LRFN5: variants seen among roughly 807,000 people sequenced by gnomAD.
The protein encoded by LRFN5 is leucine-rich repeat and fibronectin type-III domain-containing protein 5.
LRFN5 carries 24 observed loss-of-function variants against 45.6 expected under a neutral mutation model. The ratio of observed to expected loss-of-function variants is 0.53; its 90% confidence interval spans 0.38 to 0.74. LRFN5 has a LOEUF of 0.74. Ranked by LOEUF, LRFN5 falls within the 30% of genes least tolerant of loss-of-function variation. The pLI is 0.00. For missense variants in LRFN5, 776 were observed against 861.5 expected, an observed-to-expected ratio of 0.90 and a Z score of 1.24; for synonymous variants, 340 against 313.8, an observed-to-expected ratio of 1.08 and a Z score of -0.88.
chr14:41,787,774 T>G (rs983451653), intron 2 of LRFN5, among the ~76,000 whole-genome samples: 1 of 152,066 alleles, frequency 6.6e-6, no homozygotes, highest in Non-Finnish European at 1.5e-5. Flanking sequence ...TATATTTTAT[T>G]TTTTATTTTT....
intron 2 of LRFN5, among the ~76,000 whole-genome samples, chr14:41,815,999 T>A (rs1383749173): frequency 6.6e-6 from 1 of 152,050 alleles, no homozygotes; most frequent in African/African-American, 2.4e-5. Context: ...TTCTCTAGAG[T>A]GTGCGATATA....
chr14:41,765,209 G>T (rs1277566196), intron 1 of LRFN5, among the ~76,000 whole-genome samples: 1 of 151,940 alleles, frequency 6.6e-6, no homozygotes, highest in African/African-American at 2.4e-5. Context: ...GGGCGTAGTG[G>T]CGGGCGCCTG....
intron 1 of LRFN5, among the ~76,000 whole-genome samples, chr14:41,746,325 A>G (rs1208834278): frequency 6.6e-6 from 1 of 151,802 alleles, no homozygotes; most frequent in Non-Finnish European, 1.5e-5. Context: ...CAAAACACTC[A>G]AAGAATAGAA....
At chr14:41,783,892 CT>C (rs1422211195) in intron 2 of LRFN5, among the ~76,000 whole-genome samples, 1 of 151,932 alleles carries the variant, frequency 6.6e-6, no homozygotes, top group African/African-American at 2.4e-5. Flanking sequence ...ATTTATTAGT[CT>C]TTTTCTAATT....
At chr14:41,709,192 A>G (rs1237129460) in intron 1 of LRFN5, among the ~76,000 whole-genome samples, 4 of 151,926 alleles carry the variant, frequency 2.6e-5, no homozygotes, top group African/African-American at 4.8e-5. Context: ...AACATAATAT[A>G]TATTTTATTT....
intron 2 of LRFN5, among the ~76,000 whole-genome samples, chr14:41,826,792 A>G (rs1052441456): frequency 1.3e-5 from 2 of 151,928 alleles, no homozygotes; most frequent in Non-Finnish European, 2.9e-5. Context: ...ATCTTCATCT[A>G]TAATATGGGA....
chr14:41,764,124 G>T (rs1372043568), intron 1 of LRFN5, among the ~76,000 whole-genome samples: 2 of 151,922 alleles, frequency 1.3e-5, no homozygotes, highest in East Asian at 1.9e-4. Flanking sequence ...AAAATATATG[G>T]ACTAAAAAAA....
At chr14:41,830,778 T>C (rs915679187) in intron 2 of LRFN5, among the ~76,000 whole-genome samples, 7 of 152,074 alleles carry the variant, frequency 4.6e-5, no homozygotes, top group African/African-American at 1.7e-4. Context: ...CTGCTCTGTC[T>C]CCTGGTGGGC....
chr14:41,872,650 A>G lies in LRFN5; in HGVS notation c.-20-13956A>G, dbSNP rs77494285. Among the ~76,000 whole-genome samples the G allele has an allele frequency of 2.4e-4, 37 of 152,328 alleles. No individual in the cohort carries two copies. In the East Asian group the frequency reaches 7.1e-3, roughly 29 times the overall value. On this transcript the variant is annotated intron_variant, in intron 2 of 5. Coordinates refer to ENST00000298119, the MANE Select transcript of LRFN5 (RefSeq NM_152447.5). ...TATATTCGAACTGTAATTTGAAAGA[A>G]GGCAAACAGCACAGGATAAGTGGTA... is the stretch of plus-strand genomic sequence containing the variant.
At chr14:41,754,176 T>C (rs1266709853) in intron 1 of LRFN5, among the ~76,000 whole-genome samples, 2 of 152,210 alleles carry the variant, frequency 1.3e-5, no homozygotes, top group East Asian at 3.9e-4. Flanking sequence ...CAGTATTTTA[T>C]TGAGGATTTT....
At chr14:41,717,547 C>T (rs1172233700) in intron 1 of LRFN5, among the ~76,000 whole-genome samples, 2 of 152,162 alleles carry the variant, frequency 1.3e-5, no homozygotes, top group African/African-American at 4.8e-5. Context: ...TCCTGAGTCT[C>T]TCTGATCTTT....
chr14:41,654,205 A>G (rs1232358053), intron 1 of LRFN5, among the ~76,000 whole-genome samples: 1 of 151,780 alleles, frequency 6.6e-6, no homozygotes, highest in Non-Finnish European at 1.5e-5. Context: ...AATAATAATA[A>G]AAAAAAAGAA....
chr14:41,891,664 C>T lies in LRFN5; in HGVS notation c.1800C>T (p.Ala600=). The part of the protein sequence containing the change: ...SKQAVGHEEN[A]QCCKATSDNV... ...AAGCTGTGGGACACGAAGAGAATGC[C>T]CAGTGTTGTAAAGCTACCAGTGACA... Residue 600 remains alanine (A), a synonymous_variant, in exon 4 of 6, where the codon GCC becomes GCT. Coordinates refer to ENST00000298119, the MANE Select transcript of LRFN5 (RefSeq NM_152447.5). The T allele has an allele frequency of 6.2e-7, 1 of 1,614,156 alleles. No individual in the cohort carries two copies. The highest frequency in any genetic ancestry group is 8.5e-7 in the Non-Finnish European group (1 of 1,180,022).
At chr14:41,754,781 C>G (rs1348647551) in intron 1 of LRFN5, among the ~76,000 whole-genome samples, 1 of 152,038 alleles carries the variant, frequency 6.6e-6, no homozygotes, top group Admixed American at 6.6e-5. Context: ...CTGCTCTGAT[C>G]TTAGTTATTT....
rs191133551 is a variant in LRFN5, at chr14:41,767,593, C to T, written c.-21+564C>T. ...TCATTCAAGGAGAGTTTATGCCAGC[C>T]TTTAAATGTGCATACTAGAAAAACA... is the stretch of plus-strand genomic sequence containing the variant. On this transcript the variant is annotated intron_variant, in intron 2 of 5. Coordinates refer to ENST00000298119, the MANE Select transcript of LRFN5 (RefSeq NM_152447.5). 2.2e-3 allele frequency among the ~76,000 whole-genome samples: 329 copies of T among 152,008 alleles called. 1 individual carries two copies. The highest frequency in any genetic ancestry group is 3.9e-3 in the Non-Finnish European group (264 of 67,986).
In LRFN5 at chr14:41,668,328, A is replaced by C. The variant is rs151162100; in HGVS notation, c.-197+59766A>C. ...CTAGATTGAAAATTTTGTAGGAAGA[A>C]TTAGGAAAGAGATCATATTTATATA... On this transcript the variant is annotated intron_variant, in intron 1 of 5. Coordinates refer to ENST00000298119, the MANE Select transcript of LRFN5 (RefSeq NM_152447.5). Among the ~76,000 whole-genome samples the C allele has an allele frequency of 9.1e-3, 1,382 of 152,286 alleles. 6 individuals are homozygous for C. Among genetic ancestry groups the C allele is most frequent in the East Asian group, 0.014 (75 of 5,174 alleles).
At chr14:41,664,026 T>G (rs1176373894) in intron 1 of LRFN5, among the ~76,000 whole-genome samples, 1 of 151,984 alleles carries the variant, frequency 6.6e-6, no homozygotes, top group African/African-American at 2.4e-5. Context: ...CATTTCCTAC[T>G]TAATAGTCTC....
chr14:41,750,414 C>G (rs1160848914), intron 1 of LRFN5, among the ~76,000 whole-genome samples: 3 of 151,266 alleles, frequency 2.0e-5, no homozygotes, highest in Admixed American at 2.0e-4. Context: ...TGGCATAGAC[C>G]TGTGCAAGAG....
chr14:41,629,384 G>A (rs2138575552), intron 1 of LRFN5, among the ~76,000 whole-genome samples: 1 of 152,126 alleles, frequency 6.6e-6, no homozygotes. Flanking sequence ...CCTTGAAAGG[G>A]TTTTCTATTA....
Sources: allele counts gnomAD v4.1 joint callset (sites outside exome capture counted in the v4.1 genomes callset), GRCh38; gene constraint gnomAD v4.1.1; transcripts MANE v1.5; gene names NCBI Gene and HGNC (gene_info 2026-07-23, HGNC 2026-07-21).